The following CAMK2D variants were observed in gnomAD, a reference collection of about 807,000 sequenced individuals.
CAMK2D encodes the protein calcium/calmodulin dependent protein kinase II delta.
CAMK2D carries 37 observed loss-of-function variants against 84.0 expected under a neutral mutation model. That is an observed-to-expected ratio of 0.44 (90% CI 0.34 to 0.58). CAMK2D has a LOEUF of 0.58. CAMK2D is among the 20% of genes least tolerant of loss of function. The pLI is 0.02. For synonymous variants in CAMK2D, 202 were observed against 212.5 expected (o/e 0.95, Z 0.43); for missense variants, 448 against 652.5 (o/e 0.69, Z 3.41).
intron 2 of CAMK2D, among the ~76,000 whole-genome samples, chr4:113,747,406 A>C (rs1382422290): frequency 1.3e-5 from 2 of 151,390 alleles, no homozygotes; most frequent in African/African-American, 4.8e-5. Flanking sequence ...AGATGATATC[A>C]TTTGGGAATC....
At chr4:113,697,203 A>C (rs1465983945) in intron 2 of CAMK2D, among the ~76,000 whole-genome samples, 1 of 152,134 alleles carries the variant, frequency 6.6e-6, no homozygotes, top group Admixed American at 6.6e-5. Flanking sequence ...GAGCATGGAG[A>C]CAAAAAAGAA....
At position 113,453,406 on chromosome 4, in the gene CAMK2D, T is replaced by G. The variant is rs898970782; in HGVS notation, c.*1139A>C. On this transcript the variant is annotated 3_prime_UTR_variant, in exon 21 of 21. Transcript: ENST00000511664. Reference sequence around the variant, plus strand: ...CCCCTCTGCTATCAAGTTGGTATCCTCCTGGCAACTGTCCCAATCAGTAAG... The same window carrying G: ...CCCCTCTGCTATCAAGTTGGTATCCGCCTGGCAACTGTCCCAATCAGTAAG... 5 of 152,314 alleles carry G rather than the reference T, an allele frequency of 3.3e-5. No individual in the cohort carries two copies. The East Asian group carries it at 9.6e-4, about 29-fold the overall frequency. The allele number at this position is 152,314 out of a possible 1,614,324, so 9.4% of individuals were successfully genotyped here.
At chr4:113,740,304 T>A (rs1254557507) in intron 2 of CAMK2D, among the ~76,000 whole-genome samples, 3 of 152,090 alleles carry the variant, frequency 2.0e-5, no homozygotes, top group Non-Finnish European at 2.9e-5. Context: ...TATACCCATA[T>A]AATGAAATAT....
At chr4:113,696,929 A>G (rs1450199463) in intron 2 of CAMK2D, among the ~76,000 whole-genome samples, 1 of 151,998 alleles carries the variant, frequency 6.6e-6, no homozygotes, top group Non-Finnish European at 1.5e-5. Context: ...AGGAGTACAG[A>G]GAAGGTAATG....
At chr4:113,503,377 A>G (rs935978934) in intron 14 of CAMK2D, 2 of 483,812 alleles carry the variant, frequency 4.1e-6, no homozygotes, top group Non-Finnish European at 8.0e-6. Context: ...GATGATTTCA[A>G]ATTCTCAGAG....
chr4:113,517,512 C>T (rs1464040599), intron 9 of CAMK2D, 51 bp downstream of exon 9: 2 of 809,790 alleles, frequency 2.5e-6, no homozygotes, highest in African/African-American at 3.4e-5. Context: ...TCTTGGTCAA[C>T]AGGCAAAAGA....
intron 16 of CAMK2D, among the ~76,000 whole-genome samples, chr4:113,474,644 T>C (rs1465951842): frequency 1.3e-5 from 2 of 150,386 alleles, no homozygotes; most frequent in Non-Finnish European, 2.9e-5. Context: ...TTTATTTATT[T>C]ATTTATTTGT....
intron 16 of CAMK2D, among the ~76,000 whole-genome samples, chr4:113,491,606 T>G (rs1390621893): frequency 1.3e-5 from 2 of 152,160 alleles, no homozygotes; most frequent in Admixed American, 1.3e-4. Context: ...AAAATTCTCT[T>G]TTTTTGTTGT....
At chr4:113,573,734 C>T (rs374550454) in intron 4 of CAMK2D, among the ~76,000 whole-genome samples, 1 of 152,210 alleles carries the variant, frequency 6.6e-6, no homozygotes, top group South Asian at 2.1e-4. Flanking sequence ...TTTCCTCCTT[C>T]CCTCCTACCT....
intron 17 of CAMK2D, among the ~76,000 whole-genome samples, chr4:113,462,284 G>C (rs375354483): frequency 1.1e-3 from 87 of 81,620 alleles, no homozygotes; most frequent in Admixed American, 2.1e-3. Flanking sequence ...GTGTGTGTGT[G>C]TGTGTGTGTG....
At chr4:113,712,312 T>C (rs1221039868) in intron 2 of CAMK2D, among the ~76,000 whole-genome samples, 2 of 152,164 alleles carry the variant, frequency 1.3e-5, no homozygotes, top group Non-Finnish European at 2.9e-5. Flanking sequence ...TTGTTTACTG[T>C]TATTTTAAAT....
chr4:113,640,794 G>A (rs1935188098), intron 3 of CAMK2D, among the ~76,000 whole-genome samples: 1 of 152,128 alleles, frequency 6.6e-6, no homozygotes, highest in Non-Finnish European at 1.5e-5. Context: ...AGGAATGAGG[G>A]GAAAATTACT....
chr4:113,645,781 C>T (rs769700210), intron 3 of CAMK2D, among the ~76,000 whole-genome samples: 7 of 151,888 alleles, frequency 4.6e-5, no homozygotes, highest in Non-Finnish European at 1.0e-4. Flanking sequence ...AAAATGCTCC[C>T]GAGGAAGGTA....
At chr4:113,535,480 A>C (rs1355579755) in intron 7 of CAMK2D, among the ~76,000 whole-genome samples, 1 of 152,168 alleles carries the variant, frequency 6.6e-6, no homozygotes, top group Non-Finnish European at 1.5e-5. Context: ...TAAACAACAT[A>C]CACCCAGTTA....
intron 9 of CAMK2D, among the ~76,000 whole-genome samples, chr4:113,516,490 T>C (rs1410903682): frequency 6.6e-6 from 1 of 152,184 alleles, no homozygotes; most frequent in Non-Finnish European, 1.5e-5. Context: ...GGTTCTAGTC[T>C]GTAAAGATGG....
intron 2 of CAMK2D, among the ~76,000 whole-genome samples, chr4:113,749,716 T>C (rs1032462447): frequency 1.3e-5 from 2 of 152,178 alleles, no homozygotes; most frequent in Non-Finnish European, 2.9e-5. Context: ...TGAGCCACTT[T>C]ATAATACATG....
chr4:113,650,517 C>CAAA lies in CAMK2D; in HGVS notation c.220+11193_220+11195dup, dbSNP rs34938947. Among the ~76,000 whole-genome samples, 175 of 86,940 alleles carry CAAA rather than the reference C, an allele frequency of 2.0e-3. 2 individuals carry two copies. Among genetic ancestry groups the CAAA allele is most frequent in the South Asian group, 4.3e-3 (10 of 2,350 alleles). 57.0% of individuals were successfully genotyped at this position (86,940 alleles called of 152,430 possible). On this transcript the variant is annotated intron_variant, in intron 3 of 20. Coordinates refer to ENST00000511664, the MANE Select transcript of CAMK2D (RefSeq NM_001321571.2). The stretch of plus-strand genomic sequence containing the variant: ...GGATGACAAGAGTGAAACTCCATCT[C>CAAA]AAAAAAAAAAAAAAAGAAATTAGAG...
At chr4:113,667,138 C>T (rs899380489) in intron 2 of CAMK2D, among the ~76,000 whole-genome samples, 1 of 152,144 alleles carries the variant, frequency 6.6e-6, no homozygotes, top group African/African-American at 2.4e-5. Flanking sequence ...ACTAAATGTA[C>T]CTAAACTATT....
At position 113,558,002 on chromosome 4, in the gene CAMK2D, G is replaced by C. The variant is rs557661649; in HGVS notation, c.276-5906C>G. ...TAACCTTTGGTCCCTGAGATGTACAGTTCTTGGAGTTGAACCTGGGCCCAG... is the reference window on the plus strand; with the variant it reads ...TAACCTTTGGTCCCTGAGATGTACACTTCTTGGAGTTGAACCTGGGCCCAG... On this transcript the variant is annotated intron_variant, in intron 4 of 20. Transcript: ENST00000511664. 1.6e-3 allele frequency among the ~76,000 whole-genome samples: 249 copies of C among 152,272 alleles called. 4 individuals carry two copies. Among genetic ancestry groups the C allele is most frequent in the African/African-American group, 5.6e-3 (232 of 41,554 alleles).
Sources: allele counts gnomAD v4.1 joint callset (sites outside exome capture counted in the v4.1 genomes callset), GRCh38; gene constraint gnomAD v4.1.1; transcripts MANE v1.5; gene names NCBI Gene and HGNC (gene_info 2026-07-23, HGNC 2026-07-21).